Variants in TESK2 observed in about 807,000 individuals in gnomAD.
TESK2 encodes dual specificity testis-specific protein kinase 2.
A neutral mutation model predicts 57.1 loss-of-function variants in TESK2; 39 were observed. The observed-to-expected ratio is 0.68, with a 90% CI of 0.53 to 0.89. TESK2 has a LOEUF of 0.89. TESK2 is among the 40% of genes least tolerant of loss of function. TESK2 has a pLI of 0.00. For synonymous variants in TESK2, 249 were observed against 267.9 expected (o/e 0.93, Z 0.69); for missense variants, 646 against 732.1 (o/e 0.88, Z 1.36).
At chr1:45,453,819 A>T (rs1651968575) in intron 2 of TESK2, among the ~76,000 whole-genome samples, 2 of 152,170 alleles carry the variant, frequency 1.3e-5, no homozygotes, top group African/African-American at 4.8e-5. Flanking sequence ...CCTATATATA[A>T]AATATATAAA....
At chr1:45,396,104 T>C (rs189411159) in intron 3 of TESK2, among the ~76,000 whole-genome samples, 1 of 151,908 alleles carries the variant, frequency 6.6e-6, no homozygotes, top group African/African-American at 2.4e-5. Context: ...AATTTATTTT[T>C]ATTTATTTTT....
At chr1:45,381,860 C>CTTTTTTTTTTTTTTTTTTT (rs748886310) in intron 4 of TESK2, among the ~76,000 whole-genome samples, 2 of 91,926 alleles carry the variant, frequency 2.2e-5, no homozygotes, top group African/African-American at 8.3e-5. Context: ...CATTCCTATT[C>CTTTTTTTTTTTTTTTTTTT]TTTTTTTTTT....
At position 45,347,279 on chromosome 1, in the gene TESK2, G is replaced by C. The variant is rs866217535; in HGVS notation, c.709-217C>G. ...CTCTGCTAAGAGTGGATTCTAGGGA[G>C]AATCAGCCGAGCGCGATGGCTCATG... On this transcript the variant is annotated intron_variant, in intron 7 of 10. Transcript: ENST00000372086. Among the ~76,000 whole-genome samples the C allele has an allele frequency of 3.9e-5, 6 of 152,266 alleles. No individual in the cohort carries two copies. In the Middle Eastern group the frequency reaches 0.01, roughly 259 times the overall value.
At chr1:45,371,145 A>G (rs958054753) in intron 4 of TESK2, among the ~76,000 whole-genome samples, 3 of 152,162 alleles carry the variant, frequency 2.0e-5, no homozygotes, top group Non-Finnish European at 4.4e-5. Context: ...ACCCTTATGC[A>G]CCATCAATGG....
At chr1:45,379,481 T>C (rs1648563652) in intron 4 of TESK2, among the ~76,000 whole-genome samples, 1 of 152,174 alleles carries the variant, frequency 6.6e-6, no homozygotes, top group African/African-American at 2.4e-5. Context: ...CTTGCTCATT[T>C]TTATAAATAA....
chr1:45,383,527 A>C (rs1213010968), intron 4 of TESK2, among the ~76,000 whole-genome samples: 2 of 152,236 alleles, frequency 1.3e-5, no homozygotes, highest in African/African-American at 2.4e-5. Context: ...GCTAACAAGC[A>C]GCAGATTAAG....
At position 45,385,938 on chromosome 1, in the gene TESK2, G is replaced by C; in HGVS notation, c.367C>G (p.Gln123Glu). 1.2e-6 allele frequency: 2 copies of C among 1,607,658 alleles called. No individual in the cohort carries two copies. Among genetic ancestry groups the C allele is most frequent in the Non-Finnish European group, 1.7e-6 (2 of 1,176,514 alleles). The change falls in exon 4 of 11, where the codon CAA becomes GAA. Residue 123 changes from glutamine to glutamate, a missense_variant. By Grantham distance (29) the Gln-to-Glu change is conservative. Transcript: ENST00000372086. ...ILRFMGVCVHQGQLHALTEYI... is the reference protein window; with the variant it reads ...ILRFMGVCVHEGQLHALTEYI... Reference sequence around the variant, plus strand: ...TCTGTAAGTGCATGCAATTGTCCTTGATGAACACATACACCCATGAACCTA... The same window carrying C: ...TCTGTAAGTGCATGCAATTGTCCTTCATGAACACATACACCCATGAACCTA...
intron 1 of TESK2, among the ~76,000 whole-genome samples, chr1:45,476,475 C>T (rs556317275): frequency 2.1e-4 from 31 of 151,050 alleles, no homozygotes; most frequent in African/African-American, 7.5e-4. Flanking sequence ...CCACCGCACT[C>T]CGGCCTCGGC....
In TESK2 at chr1:45,418,324, C is replaced by G. The variant is rs142354766; in HGVS notation, c.344+3401G>C. ...ACCTCACTCTCAAACATGGTGGAAGCCCCCTAACTGATCTCTTTGCTACCA... is the reference window on the plus strand; with the variant it reads ...ACCTCACTCTCAAACATGGTGGAAGGCCCCTAACTGATCTCTTTGCTACCA... On this transcript the variant is annotated intron_variant, in intron 3 of 10. Transcript: ENST00000372086. Among the ~76,000 whole-genome samples the G allele has an allele frequency of 2.4e-4, 37 of 152,266 alleles. 1 individual carries two copies. In the East Asian group the frequency reaches 5.0e-3, roughly 21 times the overall value.
Position 45,361,094 on chromosome 1 carries a change from A to C in TESK2, c.394-5645T>G, listed in dbSNP as rs1647661650. 2.0e-5 allele frequency among the ~76,000 whole-genome samples: 3 copies of C among 152,318 alleles called. No homozygotes were observed. The South Asian group carries it at 6.2e-4, about 32-fold the overall frequency. ...CAGCCTCCCAAAGTGCTAGGATTAC[A>C]GGCGTGAGCTACCGCACCCAGCCAG... On this transcript the variant is annotated intron_variant, in intron 4 of 10. Coordinates refer to ENST00000372086, the MANE Select transcript of TESK2 (RefSeq NM_007170.3).
intron 2 of TESK2, among the ~76,000 whole-genome samples, chr1:45,449,190 C>T (rs1436060498): frequency 6.9e-6 from 1 of 145,630 alleles, no homozygotes; most frequent in Admixed American, 7.0e-5. Flanking sequence ...CCACTGCACC[C>T]GAGCCTGGGT....
At chr1:45,429,981 C>T (rs1650883007) in intron 2 of TESK2, among the ~76,000 whole-genome samples, 1 of 152,052 alleles carries the variant, frequency 6.6e-6, no homozygotes, top group African/African-American at 2.4e-5. Context: ...CCACTCAGCT[C>T]ATTGGTACAC....
At chr1:45,466,948 C>T (rs189100648) in intron 1 of TESK2, among the ~76,000 whole-genome samples, 1 of 151,894 alleles carries the variant, frequency 6.6e-6, no homozygotes, top group African/African-American at 2.4e-5. Flanking sequence ...AAGCATTCAA[C>T]TCCTGTTTGT....
chr1:45,379,191 G>A (rs1211994336), intron 4 of TESK2, among the ~76,000 whole-genome samples: 1 of 152,128 alleles, frequency 6.6e-6, no homozygotes, highest in Non-Finnish European at 1.5e-5. Context: ...TTTGAGATGG[G>A]GTCTCACTTT....
intron 4 of TESK2, among the ~76,000 whole-genome samples, chr1:45,357,235 AAATAAATGT>A (rs1201947762): frequency 7.2e-6 from 1 of 138,270 alleles, no homozygotes; most frequent in Non-Finnish European, 1.6e-5. Flanking sequence ...ATAAATAAAT[AAATAAATGT>A]ATGTATGTAT....
At chr1:45,486,394 G>A (rs1337902) in intron 1 of TESK2, among the ~76,000 whole-genome samples, 112,052 of 152,010 alleles carry the variant, frequency 0.74, 41,717 homozygotes, top group East Asian at 0.93. Flanking sequence ...AAGCAAGTCA[G>A]TTTTCTCCTC....
intron 1 of TESK2, among the ~76,000 whole-genome samples, chr1:45,479,821 T>C (rs1317010224): frequency 7.2e-6 from 1 of 137,974 alleles, no homozygotes. Context: ...TTCTTTTTTT[T>C]TTTTTTTTTT....
intron 3 of TESK2, among the ~76,000 whole-genome samples, chr1:45,400,170 T>C (rs1477469054): frequency 1.3e-5 from 2 of 152,134 alleles, no homozygotes; most frequent in South Asian, 4.2e-4. Context: ...AAGGTCCTCA[T>C]AGGTGGAAGA....
rs183239322 is a variant in TESK2 at position 45,483,467 on chromosome 1, G to T, written c.-87+7385C>A. ...AAAAAAATTAGTTGGGCATGGTGGC[G>T]CACACCTGTAAACCCAGCTACTCGG... On this transcript the variant is annotated intron_variant, in intron 1 of 10. Transcript: ENST00000372086. 4.3e-4 allele frequency among the ~76,000 whole-genome samples: 65 copies of T among 150,898 alleles called. 3 individuals are homozygous for T. Among genetic ancestry groups the T allele is most frequent in the African/African-American group, 1.5e-3 (62 of 41,124 alleles).
Sources: gnomAD v4.1 joint callset for allele counts (sites outside exome capture counted in the v4.1 genomes callset) on GRCh38, gnomAD v4.1.1 for gene constraint, MANE v1.5 for transcripts, NCBI Gene and HGNC (gene_info 2026-07-23, HGNC 2026-07-21) for gene names.